The following RIMS2 variants were observed in gnomAD, a reference collection of about 807,000 sequenced individuals.
RIMS2 encodes the protein regulating synaptic membrane exocytosis 2.
In RIMS2, 59 loss-of-function variants were observed where a neutral mutation model predicts 174.4. The ratio of observed to expected loss-of-function variants is 0.34; its 90% CI spans 0.27 to 0.42. The LOEUF (loss-of-function observed/expected upper bound fraction) is 0.42, where lower values mean the gene tolerates loss of function less well. Among genes scored for constraint, RIMS2 ranks in the 10% least tolerant of loss-of-function variants. The pLI is 1.00. For synonymous variants in RIMS2, 606 were observed against 572.5 expected, an observed-to-expected ratio of 1.06 and a Z score of -0.84; for missense variants, 1,620 against 1,666.3, an observed-to-expected ratio of 0.97 and a Z score of 0.48.
At chr8:103,995,383 T>C (rs971251990) in intron 17 of RIMS2, among the ~76,000 whole-genome samples, 8 of 152,018 alleles carry the variant, frequency 5.3e-5, no homozygotes, top group African/African-American at 1.4e-4. Context: ...GAGAGAAAAT[T>C]ACTTGATTGG....
intron 3 of RIMS2, among the ~76,000 whole-genome samples, chr8:103,779,617 G>C (rs1340355480): frequency 6.6e-6 from 1 of 151,832 alleles, no homozygotes; most frequent in Non-Finnish European, 1.5e-5. Flanking sequence ...CATGGATGAA[G>C]CTGGAAACCA....
intron 3 of RIMS2, among the ~76,000 whole-genome samples, chr8:103,842,697 A>C (rs2098947335): frequency 6.6e-6 from 1 of 152,170 alleles, no homozygotes; most frequent in South Asian, 2.1e-4. Context: ...GATTTCTTTC[A>C]TATTGTCCTA....
intron 1 of RIMS2, among the ~76,000 whole-genome samples, chr8:103,580,668 T>TAATGAG (rs949247072): frequency 1.3e-5 from 2 of 151,986 alleles, no homozygotes; most frequent in Non-Finnish European, 2.9e-5. Flanking sequence ...CTCAAACCAG[T>TAATGAG]AATGAGTAAT....
intron 19 of RIMS2, among the ~76,000 whole-genome samples, chr8:104,201,607 A>G (rs1210193940): frequency 6.6e-6 from 1 of 152,170 alleles, no homozygotes; most frequent in African/African-American, 2.4e-5. Flanking sequence ...TTTTTAGTGT[A>G]TTCTGTCTTA....
intron 19 of RIMS2, among the ~76,000 whole-genome samples, chr8:104,076,049 T>C (rs11995455): frequency 0.23 from 35,729 of 152,144 alleles, 4,504 homozygotes; most frequent in African/African-American, 0.33. Flanking sequence ...ATTTCCTTTA[T>C]CAAGTATATT....
chr8:104,099,332 C>T (rs1280498897), intron 19 of RIMS2, among the ~76,000 whole-genome samples: 2 of 152,176 alleles, frequency 1.3e-5, no homozygotes, highest in African/African-American at 2.4e-5. Flanking sequence ...CTGTGCTCCT[C>T]CACCAAGTAT....
intron 19 of RIMS2, among the ~76,000 whole-genome samples, chr8:104,217,556 GAA>G (rs1219625402): frequency 6.6e-6 from 1 of 152,146 alleles, no homozygotes; most frequent in Non-Finnish European, 1.5e-5. Flanking sequence ...GGCCTGAGCT[GAA>G]GTGTCCAGCT....
At chr8:104,210,139 C>T (rs1165347515) in intron 19 of RIMS2, among the ~76,000 whole-genome samples, 2 of 151,958 alleles carry the variant, frequency 1.3e-5, no homozygotes, top group Non-Finnish European at 2.9e-5. Context: ...ACACCAAAAA[C>T]AAGGTAGAAG....
chr8:103,800,188 G>A (rs1315438336), intron 3 of RIMS2, among the ~76,000 whole-genome samples: 4 of 151,814 alleles, frequency 2.6e-5, no homozygotes, highest in African/African-American at 9.7e-5. Context: ...TGTCTTACTG[G>A]TCTATGTTTT....
At chr8:103,756,018 A>T (rs2097995923) in intron 2 of RIMS2, among the ~76,000 whole-genome samples, 1 of 152,168 alleles carries the variant, frequency 6.6e-6, no homozygotes, top group Admixed American at 6.5e-5. Context: ...TCTGGTGTTT[A>T]GAATTTTCAG....
In RIMS2 at chr8:104,185,922, C is replaced by A. The variant is rs1671703507; in HGVS notation, c.3335-58994C>A. On this transcript the variant is annotated intron_variant, in intron 19 of 23. Transcript: ENST00000504942. ...AGAAATCATTATATCAAAAAGATACCTGTACCCATATGTTTATCATGGCAC... is the reference window on the plus strand; with the variant it reads ...AGAAATCATTATATCAAAAAGATACATGTACCCATATGTTTATCATGGCAC... Among the ~76,000 whole-genome samples the A allele has an allele frequency of 2.0e-5, 3 of 151,556 alleles. No individual in the cohort carries two copies. In the Admixed American group the frequency reaches 2.0e-4, roughly 10 times the overall value.
chr8:103,890,821 G>C (rs1284776659), intron 4 of RIMS2, among the ~76,000 whole-genome samples: 3 of 150,476 alleles, frequency 2.0e-5, no homozygotes, highest in Non-Finnish European at 4.5e-5. Context: ...GCCTTAAAAA[G>C]TAATATTGGA....
At chr8:104,051,795 A>T (rs2096791586) in intron 19 of RIMS2, among the ~76,000 whole-genome samples, 1 of 152,198 alleles carries the variant, frequency 6.6e-6, no homozygotes, top group South Asian at 2.1e-4. Flanking sequence ...CTAATAAGTA[A>T]AATTGAGAAA....
chr8:103,646,309 A>G (rs2096331298), intron 1 of RIMS2, among the ~76,000 whole-genome samples: 1 of 152,102 alleles, frequency 6.6e-6, no homozygotes, highest in Admixed American at 6.6e-5. Flanking sequence ...CACGTGAGGT[A>G]GAAGTTTTTT....
At chr8:103,639,820 G>GCTA (rs2096183755) in intron 1 of RIMS2, among the ~76,000 whole-genome samples, 1 of 151,864 alleles carries the variant, frequency 6.6e-6, no homozygotes. Context: ...AAGTGGGATT[G>GCTA]CTAGGTCTTT....
chr8:103,559,057 T>TTTTTTTTTTTTTTTTTTTTTTTTTTTTTG (rs1400086473), intron 1 of RIMS2: 1 of 51,832 alleles, frequency 1.9e-5, no homozygotes, highest in Non-Finnish European at 3.6e-5. Context: ...ATTTTTTAAC[T>TTTTTTTTTTTTTTTTTTTTTTTTTTTTTG]TTTTTTTTTT....
At chr8:103,645,375 G>A (rs1282632748) in intron 1 of RIMS2, among the ~76,000 whole-genome samples, 3 of 151,968 alleles carry the variant, frequency 2.0e-5, no homozygotes, top group South Asian at 2.1e-4. Flanking sequence ...AATTATATTT[G>A]TTATTGTGAC....
chr8:103,755,444 TC>T (rs1432431863), intron 2 of RIMS2, among the ~76,000 whole-genome samples: 1 of 152,156 alleles, frequency 6.6e-6, no homozygotes, highest in Non-Finnish European at 1.5e-5. Flanking sequence ...TTTATGGTGT[TC>T]TTTATATTTC....
intron 3 of RIMS2, among the ~76,000 whole-genome samples, chr8:103,861,402 C>A (rs958635637): frequency 4.6e-5 from 7 of 152,036 alleles, no homozygotes; most frequent in African/African-American, 1.7e-4. Flanking sequence ...TTAGGTTGAT[C>A]CCATGACTAT....
Sources: allele counts gnomAD v4.1 joint callset (sites outside exome capture counted in the v4.1 genomes callset), GRCh38; gene constraint gnomAD v4.1.1; transcripts MANE v1.5; gene names NCBI Gene and HGNC (gene_info 2026-07-23, HGNC 2026-07-21).